Variants in DNAJC13 observed in about 807,000 individuals in gnomAD.
DNAJC13 encodes dnaJ homolog subfamily C member 13.
DNAJC13 carries 75 observed loss-of-function variants against 290.5 expected under a neutral mutation model. The ratio of observed to expected loss-of-function variants is 0.26; its 90% CI spans 0.21 to 0.31. The LOEUF (loss-of-function observed/expected upper bound fraction) is 0.31, where lower values mean the gene tolerates loss of function less well. DNAJC13 is among the 10% of genes least tolerant of loss of function. The probability of loss-of-function intolerance (pLI) is 1.00; values close to 1 mark genes in which losing one functional copy is unlikely to be tolerated. For synonymous variants in DNAJC13, 862 were observed against 892.0 expected, an observed-to-expected ratio of 0.97 and a Z score of 0.60; for missense variants, 2,260 against 2,674.5, an observed-to-expected ratio of 0.85 and a Z score of 3.42.
chr3:132,512,894 A>T, intron 44 of DNAJC13, 114 bp from the exon 45 acceptor site: 1 of 849,562 alleles, frequency 1.2e-6, no homozygotes, highest in Non-Finnish European at 1.9e-6. Flanking sequence ...AGATGTTTAG[A>T]ACCAGTTATC....
At chr3:132,424,777 A>G (rs895161617) in intron 1 of DNAJC13, among the ~76,000 whole-genome samples, 4 of 152,074 alleles carry the variant, frequency 2.6e-5, no homozygotes, top group Non-Finnish European at 5.9e-5. Flanking sequence ...GAAGGCTAAG[A>G]TGGTAGGTAC....
chr3:132,438,835 A>G (rs1932952952), intron 2 of DNAJC13, among the ~76,000 whole-genome samples: 1 of 152,170 alleles, frequency 6.6e-6, no homozygotes, highest in Admixed American at 6.5e-5. Flanking sequence ...TCCAACTTGT[A>G]TAGACATAAT....
chr3:132,532,812 A>G (rs1360489999), intron 55 of DNAJC13, among the ~76,000 whole-genome samples: 1 of 151,516 alleles, frequency 6.6e-6, no homozygotes, highest in African/African-American at 2.4e-5. Context: ...ACCTCAGCTC[A>G]CTGCAACCTC....
rs35454328 is a variant in DNAJC13, at chr3:132,438,050, C to CA, written c.68+3450dup. The stretch of plus-strand genomic sequence containing the variant: ...TGGGCGACAGAGTAAGACCGTGTCT[C>CA]AAAAAAAAAAAAAAAAAAGGCAGCT... On this transcript the variant is annotated intron_variant, in intron 2 of 55. Coordinates refer to ENST00000260818, the MANE Select transcript of DNAJC13 (RefSeq NM_015268.4). Among the ~76,000 whole-genome samples the CA allele has an allele frequency of 2.7e-3, 299 of 108,998 alleles. 1 individual carries two copies. Among genetic ancestry groups the CA allele is most frequent in the South Asian group, 3.9e-3 (14 of 3,590 alleles). 71.5% of individuals were successfully genotyped at this position (108,998 alleles called of 152,430 possible). A position where few individuals can be genotyped will look rare whatever the true frequency, so the allele number is the denominator to read the frequency against.
In DNAJC13 at chr3:132,535,595, G is replaced by A. The variant is rs532049441; in HGVS notation, c.6626-2581G>A. Among the ~76,000 whole-genome samples, 3 of 152,292 alleles carry A rather than the reference G, an allele frequency of 2.0e-5. No homozygotes were observed. The South Asian group carries it at 6.2e-4, about 32-fold the overall frequency. ...ATCAGTAGCAAAAGAAGGAACAACA[G>A]GAAAAGGAACAGAGGCCAGGGTGAA... On this transcript the variant is annotated intron_variant, in intron 55 of 55. Transcript: ENST00000260818.
intron 46 of DNAJC13, chr3:132,514,901 A>ATGAT: frequency 1.3e-5 from 2 of 149,224 alleles, no homozygotes; most frequent in Admixed American, 1.3e-4. Context: ...AAGGAAAATA[A>ATGAT]CCTGGGATTT....
intron 55 of DNAJC13, among the ~76,000 whole-genome samples, chr3:132,532,309 A>G (rs1936439950): frequency 1.3e-5 from 2 of 152,154 alleles, no homozygotes; most frequent in South Asian, 4.1e-4. Context: ...GAGGCTTTGG[A>G]GGAAATTTTA....
intron 43 of DNAJC13, among the ~76,000 whole-genome samples, chr3:132,508,471 A>T (rs1474935410): frequency 6.6e-6 from 1 of 152,230 alleles, no homozygotes; most frequent in Non-Finnish European, 1.5e-5. Context: ...GTAGAGGCTT[A>T]TGCAGCTGCT....
chr3:132,420,969 TAGG>T (rs1938941854), intron 1 of DNAJC13, among the ~76,000 whole-genome samples: 1 of 152,198 alleles, frequency 6.6e-6, no homozygotes, highest in South Asian at 2.1e-4. Context: ...TTTAAAAAGA[TAGG>T]AGCTTAAAAA....
rs2107642807 is a variant in DNAJC13, at chr3:132,427,277, A to C, written c.-13-7261A>C. 1.3e-5 allele frequency among the ~76,000 whole-genome samples: 2 copies of C among 151,852 alleles called. 1 individual carries two copies. Among genetic ancestry groups the C allele is most frequent in the South Asian group, 4.2e-4 (2 of 4,814 alleles). Reference sequence around the variant, plus strand: ...CAGCCCCCCAAGTAGCTGGGACTATAGGCCTGTGCCATGACACCCAGCTAA... The same window carrying C: ...CAGCCCCCCAAGTAGCTGGGACTATCGGCCTGTGCCATGACACCCAGCTAA... On this transcript the variant is annotated intron_variant, in intron 1 of 55. Transcript: ENST00000260818.
At chr3:132,473,294 G>T (rs114903891) in intron 21 of DNAJC13, 67 bp downstream of exon 21, 5 of 1,071,280 alleles carry the variant, frequency 4.7e-6, no homozygotes, top group Non-Finnish European at 7.0e-6. Flanking sequence ...ATCATGACAC[G>T]TTCTTCTTCC....
At chr3:132,477,479 CAT>C (rs1298449885) in intron 22 of DNAJC13, among the ~76,000 whole-genome samples, 1 of 152,198 alleles carries the variant, frequency 6.6e-6, no homozygotes, top group Non-Finnish European at 1.5e-5. Context: ...TTGAGCAAAT[CAT>C]GTGTGATGCA....
rs1415268931 is a variant in DNAJC13, at chr3:132,460,272, T to C, written c.1472T>C (p.Leu491Ser). The stretch of plus-strand genomic sequence containing the variant: ...TAGCCCATGCATGATGACTATGACT[T>C]AAGACAAGAACAGTTGAACAAAGCT... The part of the protein sequence containing the change: ...LMCPMHDDYD[L>S]RQEQLNKASL... The change falls in exon 14 of 56, where the codon TTA becomes TCA. Residue 491 changes from leucine (L) to serine (S), a missense_variant. By Grantham distance (145) the Leu-to-Ser change is moderately radical. Around this residue, in one of 3 missense-constraint regions of DNAJC13, gnomAD observed 762 missense variants for 964.1 expected, o/e 0.79. Transcript: ENST00000260818. 2 of 1,611,054 alleles carry C rather than the reference T, an allele frequency of 1.2e-6. No individual in the cohort carries two copies. Among genetic ancestry groups the C allele is most frequent in the Non-Finnish European group, 1.7e-6 (2 of 1,178,134 alleles).
intron 17 of DNAJC13, among the ~76,000 whole-genome samples, chr3:132,465,135 A>G (rs1237581116): frequency 6.6e-6 from 1 of 152,168 alleles, no homozygotes; most frequent in East Asian, 1.9e-4. Flanking sequence ...AGGAATGAAC[A>G]GTTTTAGTGG....
rs1934979670 is a variant in DNAJC13 at position 132,489,131 on chromosome 3, G to A, written c.3468+110G>A. On this transcript the variant is annotated intron_variant, in intron 31 of 55. Transcript: ENST00000260818. ...ACTAGATTATAAGTACTTGAGGGTA[G>A]GTATTGTTTTATTCTGTTCTTACAT... 6.3e-6 allele frequency: 5 copies of A among 796,250 alleles called. No homozygotes were observed. In the Admixed American group the frequency reaches 1.3e-4, roughly 20 times the overall value. The allele number at this position is 796,250 out of a possible 1,614,324, so 49.3% of individuals were successfully genotyped here.
At chr3:132,512,567 A>G (rs999399636) in intron 44 of DNAJC13, among the ~76,000 whole-genome samples, 8 of 152,182 alleles carry the variant, frequency 5.3e-5, no homozygotes, top group Admixed American at 2.0e-4. Context: ...GTATATTCAT[A>G]CCAGTTTGTT....
chr3:132,466,567 C>T (rs1310243932), intron 19 of DNAJC13, among the ~76,000 whole-genome samples, 173 bp downstream of exon 19: 4 of 152,108 alleles, frequency 2.6e-5, no homozygotes, highest in Admixed American at 6.5e-5. Flanking sequence ...TAATATTCAT[C>T]TTTTTAAGGT....
intron 54 of DNAJC13, among the ~76,000 whole-genome samples, chr3:132,529,348 G>A (rs1936346886): frequency 1.3e-5 from 2 of 152,210 alleles, no homozygotes; most frequent in South Asian, 2.1e-4. Context: ...GGACATTTGG[G>A]TTATTTCCCC....
intron 26 of DNAJC13, among the ~76,000 whole-genome samples, chr3:132,481,722 A>G (rs977818349): frequency 1.3e-5 from 2 of 152,222 alleles, no homozygotes; most frequent in Non-Finnish European, 2.9e-5. Context: ...TTAAATTGAG[A>G]CTATATAAAA....
Sources: gnomAD v4.1 joint callset for allele counts (sites outside exome capture counted in the v4.1 genomes callset) on GRCh38, gnomAD v4.1.1 for gene constraint, gnomAD v4.1.1 regional missense constraint, MANE v1.5 for transcripts, NCBI Gene and HGNC (gene_info 2026-07-23, HGNC 2026-07-21) for gene names.